TRPC3: variants seen among roughly 807,000 people sequenced by gnomAD.
TRPC3 encodes transient receptor potential cation channel subfamily C member 3, also known as short transient receptor potential channel 3.
Under a neutral mutation model 90.9 loss-of-function variants are expected in TRPC3, and 54 were observed. The ratio of observed to expected loss-of-function variants is 0.59; its 90% CI spans 0.48 to 0.75. The LOEUF is 0.75. Among genes scored for constraint, TRPC3 ranks in the 30% least tolerant of loss-of-function variants. The pLI, the probability that TRPC3 is intolerant of heterozygous loss-of-function variation, is 0.00. For synonymous variants in TRPC3, 424 were observed against 450.9 expected (o/e 0.94, Z 0.75); for missense variants, 918 against 1,194.5 (o/e 0.77, Z 3.41).
Position 121,899,614 on chromosome 4 carries a change from G to T in TRPC3, c.2545C>A (p.Gln849Lys), listed in dbSNP as rs576172174. Residue 849 changes from glutamine to lysine, a missense_variant and splice_region_variant, in exon 10 of 12, where the codon CAG (glutamine) becomes AAG (lysine). This residue lies in a region of TRPC3 where 121 missense variants were observed against 135.7 expected (regional missense o/e 0.89). Coordinates refer to ENST00000379645, the MANE Select transcript of TRPC3 (RefSeq NM_001130698.2). ...AGATACGTCTAATGAATGCTTACCT[G>T]ATAACGTGTTGGCTGATTGAGAATG... Reference protein sequence around the residue: ...NSILNQPTRYQQIMKRLIKRY... With the variant: ...NSILNQPTRYKQIMKRLIKRY... 5 of 1,612,624 alleles carry T rather than the reference G, an allele frequency of 3.1e-6. No individual in the cohort carries two copies. In the South Asian group the frequency reaches 5.5e-5, roughly 18 times the overall value.
Position 121,891,519 on chromosome 4 carries a change from G to T in TRPC3, c.2547+8093C>A, listed in dbSNP as rs535663078. Reference sequence around the variant, plus strand: ...TGTCACCCCAAAATATGCCATTTTGGCATAAGGATTATTTTGAGCTAAAGG... The same window carrying T: ...TGTCACCCCAAAATATGCCATTTTGTCATAAGGATTATTTTGAGCTAAAGG... On this transcript the variant is annotated intron_variant, in intron 10 of 11. Coordinates refer to ENST00000379645, the MANE Select transcript of TRPC3 (RefSeq NM_001130698.2). Among the ~76,000 whole-genome samples the T allele has an allele frequency of 3.5e-4, 53 of 152,214 alleles. No homozygotes were observed. In the South Asian group the frequency reaches 0.011, roughly 31 times the overall value.
chr4:121,929,331 G>GT (rs966703413), intron 2 of TRPC3, among the ~76,000 whole-genome samples: 2 of 151,786 alleles, frequency 1.3e-5, no homozygotes, highest in Non-Finnish European at 2.9e-5. Context: ...AGGTGAAATT[G>GT]TTTTTTTACT....
chr4:121,896,873 C>T (rs766130470), intron 10 of TRPC3, among the ~76,000 whole-genome samples: 20 of 151,960 alleles, frequency 1.3e-4, no homozygotes, highest in Non-Finnish European at 2.9e-4. Context: ...GGAAGTATCA[C>T]ACAATCGGAC....
Position 121,914,408 on chromosome 4 carries a change from C to T in TRPC3, c.1341+372G>A, listed in dbSNP as rs77313007. ...GCGTAACTGTTTCTTGGTACTACTG[C>T]AGCAGTGCTCTCCATTCCCCGGTCT... is the stretch of plus-strand genomic sequence containing the variant. On this transcript the variant is annotated intron_variant, in intron 4 of 11. Transcript: ENST00000379645. 8.8e-4 allele frequency among the ~76,000 whole-genome samples: 134 copies of T among 152,356 alleles called. No individual in the cohort carries two copies. In the East Asian group the frequency reaches 0.018, roughly 20 times the overall value.
chr4:121,944,096 GC>G (rs1368910184), intron 1 of TRPC3, among the ~76,000 whole-genome samples: 47 of 152,198 alleles, frequency 3.1e-4, no homozygotes, highest in African/African-American at 1.1e-3. Context: ...TCTGTATGGG[GC>G]CAGACTCCTA....
intron 9 of TRPC3, among the ~76,000 whole-genome samples, chr4:121,901,344 G>A (rs1180688280): frequency 6.6e-6 from 1 of 152,134 alleles, no homozygotes; most frequent in African/African-American, 2.4e-5. Context: ...GGTACACCTC[G>A]CTGAGAGGAA....
intron 10 of TRPC3, among the ~76,000 whole-genome samples, chr4:121,892,120 A>G (rs1728351045): frequency 6.6e-6 from 1 of 152,228 alleles, no homozygotes; most frequent in African/African-American, 2.4e-5. Context: ...TAAATAAAAC[A>G]CGGATATTGA....
At chr4:121,918,346 G>A (rs1005597749) in intron 3 of TRPC3, among the ~76,000 whole-genome samples, 51 of 152,230 alleles carry the variant, frequency 3.4e-4, no homozygotes, top group Admixed American at 3.3e-3. Context: ...GGCACTAGTC[G>A]TTCTTAGGTT....
chr4:121,904,058 A>G (rs1336463436), intron 8 of TRPC3, among the ~76,000 whole-genome samples: 1 of 152,172 alleles, frequency 6.6e-6, no homozygotes, highest in African/African-American at 2.4e-5. Flanking sequence ...TCTTCTAGCC[A>G]CTAATTTCAA....
intron 1 of TRPC3, among the ~76,000 whole-genome samples, chr4:121,935,036 T>A (rs1057166833): frequency 2.6e-5 from 4 of 152,184 alleles, no homozygotes; most frequent in African/African-American, 9.6e-5. Context: ...AATCAACACA[T>A]GAAGATTTTG....
At chr4:121,882,459 C>T in intron 10 of TRPC3, 30 bp from the exon 11 acceptor site, 1 of 1,595,872 alleles carries the variant, frequency 6.3e-7, no homozygotes, top group Non-Finnish European at 8.6e-7. Context: ...GATTAGATCT[C>T]CAATGATATA....
At chr4:121,886,502 ACTT>A (rs1728123619) in intron 10 of TRPC3, among the ~76,000 whole-genome samples, 1 of 152,106 alleles carries the variant, frequency 6.6e-6, no homozygotes, top group Non-Finnish European at 1.5e-5. Context: ...TTCTGTATAA[ACTT>A]CTGTGATTGA....
At position 121,951,583 on chromosome 4, in the gene TRPC3, G is replaced by C. The variant is rs893389282; in HGVS notation, c.98C>G (p.Pro33Arg). ...EDEGEDEGAE[P>R]QRRRRGWRGV... ...CCTCCAGCCCCGGCGGCGGCGCTGCGGCTCCGCGCCCTCGTCCTCGCCCTC... is the reference window on the plus strand; with the variant it reads ...CCTCCAGCCCCGGCGGCGGCGCTGCCGCTCCGCGCCCTCGTCCTCGCCCTC... Residue 33 changes from proline (P) to arginine (R), a missense_variant, in exon 1 of 12, where the codon CCG becomes CGG. Around this residue, in one of 4 missense-constraint regions of TRPC3, gnomAD observed 609 missense variants for 725.9 expected, o/e 0.84. Transcript: ENST00000379645. The surrounding 1 kb of genome is among the most constrained non-coding windows in gnomAD (Gnocchi z 4.4). 2.1e-6 allele frequency: 3 copies of C among 1,447,972 alleles called. No individual in the cohort carries two copies. In the African/African-American group the frequency reaches 4.5e-5, roughly 22 times the overall value. The allele number at this position is 1,447,972 out of a possible 1,614,324, so 89.7% of individuals were successfully genotyped here.
intron 10 of TRPC3, among the ~76,000 whole-genome samples, chr4:121,892,614 T>C (rs1461873174): frequency 6.6e-6 from 1 of 152,192 alleles, no homozygotes; most frequent in Non-Finnish European, 1.5e-5. Context: ...GGTTTGTATG[T>C]GGTGGTTTTG....
At chr4:121,940,492 A>C (rs1158002221) in intron 1 of TRPC3, among the ~76,000 whole-genome samples, 1 of 152,054 alleles carries the variant, frequency 6.6e-6, no homozygotes, top group Non-Finnish European at 1.5e-5. Flanking sequence ...ACCCTTTTAC[A>C]CCTACCTCCA....
chr4:121,886,461 G>A (rs1031453212), intron 10 of TRPC3, among the ~76,000 whole-genome samples: 6 of 152,098 alleles, frequency 3.9e-5, no homozygotes. Flanking sequence ...TACCACTCAC[G>A]AAACTTTGTG....
Position 121,912,061 on chromosome 4 carries a change from C to A in TRPC3, c.1374G>T (p.Lys458Asn). 3 of 1,613,672 alleles carry A rather than the reference C, an allele frequency of 1.9e-6. No homozygotes were observed. The highest frequency in any genetic ancestry group is 2.5e-6 in the Non-Finnish European group (3 of 1,179,782). ...LGKILRSPFM[K>N]FVAHAASFII... ...TGAAAGAAGCTGCATGTGCTACAAA[C>A]TTCATAAAAGGGCTTCGCAGAATTT... Residue 458 changes from lysine to asparagine, a missense_variant, in exon 5 of 12, where the codon AAG becomes AAT. By Grantham distance (94) the Lys-to-Asn change is moderately conservative. Transcript: ENST00000379645.
chr4:121,888,026 G>A (rs1286056589), intron 10 of TRPC3, among the ~76,000 whole-genome samples: 1 of 150,284 alleles, frequency 6.7e-6, no homozygotes, highest in Non-Finnish European at 1.5e-5. Flanking sequence ...AAAGCGTCTT[G>A]CTGTGTCACC....
chr4:121,880,326 G>A (rs564482332), intron 11 of TRPC3, among the ~76,000 whole-genome samples: 1 of 152,208 alleles, frequency 6.6e-6, no homozygotes, highest in East Asian at 1.9e-4. Flanking sequence ...CTATCTGACA[G>A]GCAAATAATT....
Sources: gnomAD v4.1 joint callset for allele counts (sites outside exome capture counted in the v4.1 genomes callset) on GRCh38, gnomAD v4.1.1 for gene constraint, gnomAD v4.1.1 regional missense constraint, Gnocchi (gnomAD v3.1) non-coding constraint, MANE v1.5 for transcripts, NCBI Gene and HGNC (gene_info 2026-07-23, HGNC 2026-07-21) for gene names.